Variants in HS3ST5 observed in about 807,000 individuals in gnomAD.
The protein encoded by HS3ST5 is heparan sulfate glucosamine 3-O-sulfotransferase 5.
Under a neutral mutation model 25.4 loss-of-function variants are expected in HS3ST5, and 10 were observed. The observed-to-expected ratio is 0.39, with a 90% CI of 0.24 to 0.67. HS3ST5 has a LOEUF of 0.67. Among genes scored for constraint, HS3ST5 ranks in the 30% least tolerant of loss-of-function variants. HS3ST5 has a pLI of 0.44. For missense variants in HS3ST5, 324 were observed against 420.7 expected (o/e 0.77, Z 2.01); for synonymous variants, 170 against 162.4 (o/e 1.05, Z -0.36).
chr6:114,209,338 A>G (rs1423114288), intron 2 of HS3ST5, among the ~76,000 whole-genome samples: 1 of 150,944 alleles, frequency 6.6e-6, no homozygotes, highest in Non-Finnish European at 1.5e-5. Context: ...TTTATTACTG[A>G]AAAAAAAACT....
At chr6:114,098,336 C>A (rs9488323) in intron 3 of HS3ST5, among the ~76,000 whole-genome samples, 1,924 of 151,502 alleles carry the variant, frequency 0.013, 31 homozygotes, top group African/African-American at 0.041. Context: ...AATGTATATA[C>A]CTTTACAATA....
At chr6:114,322,428 G>A (rs530775391) in intron 1 of HS3ST5, among the ~76,000 whole-genome samples, 48 of 151,980 alleles carry the variant, frequency 3.2e-4, no homozygotes, top group Non-Finnish European at 5.0e-4. Flanking sequence ...TGTGTTTATG[G>A]TTATAATCTA....
chr6:114,256,199 T>C (rs939718269), intron 1 of HS3ST5, among the ~76,000 whole-genome samples: 23 of 151,990 alleles, frequency 1.5e-4, no homozygotes, highest in Non-Finnish European at 2.1e-4. Context: ...CCATCTTGGC[T>C]AACACAGTGA....
intron 1 of HS3ST5, among the ~76,000 whole-genome samples, chr6:114,252,475 C>G (rs1487892286): frequency 6.6e-6 from 1 of 152,180 alleles, no homozygotes; most frequent in Non-Finnish European, 1.5e-5. Context: ...ATATCCTGAA[C>G]ATCTGTGGAG....
intron 4 of HS3ST5, among the ~76,000 whole-genome samples, chr6:114,061,446 A>C (rs1399936348): frequency 6.6e-6 from 1 of 152,242 alleles, no homozygotes; most frequent in Non-Finnish European, 1.5e-5. Context: ...TTTACCAGTC[A>C]AAATGACACC....
intron 3 of HS3ST5, among the ~76,000 whole-genome samples, chr6:114,066,214 T>A (rs1314961325): frequency 6.6e-6 from 1 of 152,204 alleles, no homozygotes; most frequent in Non-Finnish European, 1.5e-5. Context: ...ACTAGAAAGC[T>A]TACAGAAAGG....
chr6:114,124,999 C>G (rs1046253438), intron 3 of HS3ST5, among the ~76,000 whole-genome samples: 28 of 152,034 alleles, frequency 1.8e-4, no homozygotes, highest in African/African-American at 6.8e-4. Flanking sequence ...AGAAAAGCAG[C>G]CAGGATATAA....
At chr6:114,070,759 T>G (rs1773771696) in intron 3 of HS3ST5, among the ~76,000 whole-genome samples, 1 of 152,124 alleles carries the variant, frequency 6.6e-6, no homozygotes, top group African/African-American at 2.4e-5. Flanking sequence ...GTTGTCATTC[T>G]TGGCTCCACC....
At chr6:114,315,952 G>A (rs1000588870) in intron 1 of HS3ST5, among the ~76,000 whole-genome samples, 8 of 152,006 alleles carry the variant, frequency 5.3e-5, no homozygotes, top group East Asian at 1.9e-4. Flanking sequence ...AGTTTACTGC[G>A]CCTCACTGGT....
chr6:114,331,598 G>C (rs1320324885), intron 1 of HS3ST5, among the ~76,000 whole-genome samples: 1 of 151,964 alleles, frequency 6.6e-6, no homozygotes, highest in Non-Finnish European at 1.5e-5. Context: ...TATATATTTT[G>C]AAGGTAATAT....
intron 3 of HS3ST5, among the ~76,000 whole-genome samples, chr6:114,101,504 G>A (rs1023481099): frequency 6.6e-6 from 1 of 152,026 alleles, no homozygotes. Context: ...AGTGCCTGTG[G>A]GTATATCAAA....
At chr6:114,175,322 A>G (rs181663733) in intron 2 of HS3ST5, among the ~76,000 whole-genome samples, 6 of 152,328 alleles carry the variant, frequency 3.9e-5, no homozygotes, top group Admixed American at 3.3e-4. Flanking sequence ...TTATTATATA[A>G]TAAAGAACTG....
intron 1 of HS3ST5, among the ~76,000 whole-genome samples, chr6:114,297,010 A>T (rs913890420): frequency 3.3e-5 from 5 of 152,130 alleles, no homozygotes; most frequent in Non-Finnish European, 7.3e-5. Flanking sequence ...CAAACAAGAA[A>T]AAATAAAAAT....
At chr6:114,113,766 T>G (rs555427636) in intron 3 of HS3ST5, among the ~76,000 whole-genome samples, 2 of 152,108 alleles carry the variant, frequency 1.3e-5, no homozygotes, top group South Asian at 4.2e-4. Context: ...CTTACGCTAG[T>G]CTATAAGTTA....
At chr6:114,185,478 G>A (rs1780177284) in intron 2 of HS3ST5, among the ~76,000 whole-genome samples, 1 of 152,198 alleles carries the variant, frequency 6.6e-6, no homozygotes, top group South Asian at 2.1e-4. Flanking sequence ...AGAAATAAAT[G>A]TTTGTTGTCT....
intron 2 of HS3ST5, among the ~76,000 whole-genome samples, chr6:114,174,235 T>G (rs535364828): frequency 2.6e-5 from 4 of 152,140 alleles, no homozygotes; most frequent in African/African-American, 9.6e-5. Context: ...GATGTCACTT[T>G]CCTCAGGAAG....
At chr6:114,213,653 T>C (rs944418392) in intron 2 of HS3ST5, among the ~76,000 whole-genome samples, 3 of 152,156 alleles carry the variant, frequency 2.0e-5, no homozygotes, top group African/African-American at 7.2e-5. Context: ...TATCTCAAGA[T>C]AAGGTACAAT....
intron 3 of HS3ST5, among the ~76,000 whole-genome samples, chr6:114,112,158 G>A (rs1292088980): frequency 6.6e-6 from 1 of 152,218 alleles, no homozygotes; most frequent in African/African-American, 2.4e-5. Context: ...CCCTGGATGT[G>A]TGAATATGTC....
intron 1 of HS3ST5, among the ~76,000 whole-genome samples, chr6:114,236,644 G>A (rs563722513): frequency 6.6e-6 from 1 of 152,232 alleles, no homozygotes; most frequent in East Asian, 1.9e-4. Context: ...AATATTTTGT[G>A]TGTGCGCAAA....
Sources: allele counts gnomAD v4.1 joint callset (sites outside exome capture counted in the v4.1 genomes callset), GRCh38; gene constraint gnomAD v4.1.1; transcripts MANE v1.5; gene names NCBI Gene and HGNC (gene_info 2026-07-23, HGNC 2026-07-21).